RAB3GAP2: variants seen among roughly 807,000 people sequenced by gnomAD.
RAB3GAP2 encodes the protein RAB3 GTPase activating non-catalytic protein subunit 2.
Under a neutral mutation model 185.3 loss-of-function variants are expected in RAB3GAP2, and 87 were observed. That is an observed-to-expected ratio of 0.47 (90% confidence interval 0.39 to 0.56). The LOEUF is 0.56. RAB3GAP2 is among the 20% of genes least tolerant of loss of function. The probability of loss-of-function intolerance (pLI) is 0.00; values close to 1 mark genes in which losing one functional copy is unlikely to be tolerated. For missense variants in RAB3GAP2, 1,492 were observed against 1,638.2 expected, an observed-to-expected ratio of 0.91 and a Z score of 1.54; for synonymous variants, 554 against 576.1, an observed-to-expected ratio of 0.96 and a Z score of 0.55.
At chr1:220,164,614 A>C (rs960478279) in intron 27 of RAB3GAP2, 119 bp downstream of exon 27, 5 of 1,390,408 alleles carry the variant, frequency 3.6e-6, no homozygotes, top group Admixed American at 4.2e-5. Context: ...GTAATATGTT[A>C]GGCTGCAGGA....
intron 21 of RAB3GAP2, among the ~76,000 whole-genome samples, chr1:220,177,368 AG>A (rs1658311885): frequency 6.6e-6 from 1 of 152,226 alleles, no homozygotes; most frequent in Admixed American, 6.5e-5. Flanking sequence ...CAGACTGTGA[AG>A]ACTAAAGTAC....
At chr1:220,184,463 A>G (rs1159185119) in intron 18 of RAB3GAP2, among the ~76,000 whole-genome samples, 1 of 152,072 alleles carries the variant, frequency 6.6e-6, no homozygotes, top group Non-Finnish European at 1.5e-5. Context: ...CTTTGAAAAT[A>G]TTTTCCCTGA....
chr1:220,237,604 G>A (rs1659616887), intron 1 of RAB3GAP2, among the ~76,000 whole-genome samples: 2 of 152,194 alleles, frequency 1.3e-5, no homozygotes, highest in Non-Finnish European at 2.9e-5. Flanking sequence ...TCTGTTTCAG[G>A]AGGTCTGCAA....
chr1:220,255,897 C>T (rs1222950001), intron 1 of RAB3GAP2, among the ~76,000 whole-genome samples: 1 of 152,168 alleles, frequency 6.6e-6, no homozygotes, highest in African/African-American at 2.4e-5. Context: ...TCTAGCAAGA[C>T]AGGCCAACAT....
chr1:220,267,280 G>A (rs999475913), intron 1 of RAB3GAP2: 4 of 915,838 alleles, frequency 4.4e-6, no homozygotes, highest in East Asian at 2.4e-5. Context: ...TTCAAGTGGT[G>A]TATATTCCAG....
chr1:220,185,830 C>T (rs1658497748), intron 17 of RAB3GAP2, 89 bp from the exon 18 acceptor site: 3 of 941,080 alleles, frequency 3.2e-6, no homozygotes, highest in South Asian at 1.4e-5. Flanking sequence ...CTTTCACTAC[C>T]CCAAATTTCA....
At chr1:220,246,395 T>C (rs1391905526) in intron 1 of RAB3GAP2, among the ~76,000 whole-genome samples, 1 of 144,556 alleles carries the variant, frequency 6.9e-6, no homozygotes, top group East Asian at 2.0e-4. Context: ...AGAAATACCA[T>C]TTGACCCAGC....
intron 21 of RAB3GAP2, 114 bp from the exon 22 acceptor site, chr1:220,172,856 A>G (rs1216707052): frequency 1.4e-6 from 1 of 713,352 alleles, no homozygotes; most frequent in Non-Finnish European, 2.5e-6. Flanking sequence ...TCTTGAGGTG[A>G]AAAAATTAGT....
intron 1 of RAB3GAP2, among the ~76,000 whole-genome samples, chr1:220,262,717 G>A (rs549027718): frequency 1.7e-4 from 26 of 152,172 alleles, no homozygotes; most frequent in South Asian, 6.2e-4. Context: ...TTCATCCATC[G>A]ATGGGCATTT....
chr1:220,245,340 G>A (rs1659784137), intron 1 of RAB3GAP2, among the ~76,000 whole-genome samples: 1 of 152,246 alleles, frequency 6.6e-6, no homozygotes, highest in Admixed American at 6.5e-5. Flanking sequence ...GCAGGGCGAG[G>A]CATTGCCTCA....
At chr1:220,260,916 T>A (rs956361995) in intron 1 of RAB3GAP2, among the ~76,000 whole-genome samples, 13 of 152,192 alleles carry the variant, frequency 8.5e-5, no homozygotes, top group African/African-American at 3.1e-4. Flanking sequence ...CTGAATTTTT[T>A]AAAATTTAAT....
intron 4 of RAB3GAP2, 96 bp downstream of exon 4, chr1:220,212,787 CCAAT>C (rs1444857407): frequency 1.0e-6 from 1 of 995,214 alleles, no homozygotes; most frequent in African/African-American, 1.6e-5. Flanking sequence ...ACCACTGCAC[CCAAT>C]CAAATAATGA....
At chr1:220,271,606 T>A (rs1660334305) in intron 1 of RAB3GAP2, among the ~76,000 whole-genome samples, 1 of 152,190 alleles carries the variant, frequency 6.6e-6, no homozygotes, top group African/African-American at 2.4e-5. Context: ...CAGGTTATTT[T>A]CCTTCTTTGA....
chr1:220,201,445 A>C (rs1658856240), intron 9 of RAB3GAP2, among the ~76,000 whole-genome samples: 1 of 152,196 alleles, frequency 6.6e-6, no homozygotes, highest in Admixed American at 6.5e-5. Context: ...ACTGTACAAT[A>C]CTGTGGCTGA....
At chr1:220,256,172 G>A (rs1335824135) in intron 1 of RAB3GAP2, among the ~76,000 whole-genome samples, 2 of 152,182 alleles carry the variant, frequency 1.3e-5, no homozygotes, top group Admixed American at 6.5e-5. Context: ...CATAGATGAA[G>A]GAGAAATAAG....
At chr1:220,222,853 T>G (rs1659333059) in intron 2 of RAB3GAP2, among the ~76,000 whole-genome samples, 1 of 152,192 alleles carries the variant, frequency 6.6e-6, no homozygotes, top group Non-Finnish European at 1.5e-5. Context: ...ATAATGATGA[T>G]CATTTTTAGA....
chr1:220,184,059 A>C lies in RAB3GAP2; in HGVS notation c.1975T>G (p.Leu659Val). The change falls in exon 19 of 35, where the codon TTA becomes GTA. Residue 659 changes from leucine (L) to valine (V), a missense_variant. By Grantham distance (32) the Leu-to-Val change is conservative (BLOSUM62 1). Around this residue, in one of 5 missense-constraint regions of RAB3GAP2, gnomAD observed 681 missense variants for 689.1 expected, o/e 0.99. Coordinates refer to ENST00000358951, the MANE Select transcript of RAB3GAP2 (RefSeq NM_012414.4). ...ACATTATCAGAGAATGGTGTGTCTA[A>C]ATGAAAATCAAGGGAATTTAATTGA... ...VSQLNSLDFHLDTPFSDNDLA... is the reference protein window; with the variant it reads ...VSQLNSLDFHVDTPFSDNDLA... The C allele has an allele frequency of 1.3e-6, 2 of 1,587,130 alleles. No individual in the cohort carries two copies. The highest frequency in any genetic ancestry group is 8.6e-7 in the Non-Finnish European group (1 of 1,156,718).
chr1:220,170,025 C>A (rs1432900853), intron 24 of RAB3GAP2, among the ~76,000 whole-genome samples: 1 of 152,016 alleles, frequency 6.6e-6, no homozygotes, highest in African/African-American at 2.4e-5. Flanking sequence ...AACCCAAATG[C>A]CCATCAATGA....
At chr1:220,167,775 A>G (rs1658098027) in intron 24 of RAB3GAP2, 100 bp from the exon 25 acceptor site, 9 of 1,255,794 alleles carry the variant, frequency 7.2e-6, no homozygotes, top group Admixed American at 6.8e-5. Context: ...TAAGTGCCAC[A>G]TTCATTTCTC....
Sources: allele counts gnomAD v4.1 joint callset (sites outside exome capture counted in the v4.1 genomes callset), GRCh38; gene constraint gnomAD v4.1.1; regional missense constraint gnomAD v4.1.1; transcripts MANE v1.5; gene names NCBI Gene and HGNC (gene_info 2026-07-23, HGNC 2026-07-21).